CNTN5: variants seen among roughly 807,000 people sequenced by gnomAD.
CNTN5 encodes the protein contactin-5.
CNTN5 carries 77 observed loss-of-function variants against 129.1 expected under a neutral mutation model. The observed-to-expected ratio is 0.60, with a 90% CI of 0.50 to 0.72. CNTN5 has a LOEUF of 0.72. Ranked by LOEUF, CNTN5 falls within the 30% of genes least tolerant of loss-of-function variation. CNTN5 has a pLI of 0.00. For missense variants in CNTN5, 1,478 were observed against 1,328.8 expected (o/e 1.11, Z -1.75); for synonymous variants, 509 against 465.6 (o/e 1.09, Z -1.20).
intron 3 of CNTN5, among the ~76,000 whole-genome samples, chr11:99,596,620 G>A (rs679075): frequency 0.97 from 147,978 of 152,268 alleles, 72,046 homozygotes; most frequent in East Asian, 1. Flanking sequence ...AACATAGACT[G>A]TATATTAGTA....
At chr11:100,049,525 A>G (rs908922537) in intron 9 of CNTN5, among the ~76,000 whole-genome samples, 14 of 152,186 alleles carry the variant, frequency 9.2e-5, no homozygotes, top group Non-Finnish European at 1.9e-4. Flanking sequence ...ACAGGTAATT[A>G]TATTAAATGT....
At chr11:99,787,870 A>G (rs999837603) in intron 3 of CNTN5, among the ~76,000 whole-genome samples, 1 of 151,966 alleles carries the variant, frequency 6.6e-6, no homozygotes, top group Non-Finnish European at 1.5e-5. Context: ...TTGCCAAAAC[A>G]TGTAGCTAAC....
chr11:99,483,730 A>C (rs900276697), intron 2 of CNTN5, among the ~76,000 whole-genome samples: 1 of 152,136 alleles, frequency 6.6e-6, no homozygotes, highest in Admixed American at 6.5e-5. Flanking sequence ...AAATAGAAAA[A>C]AAAGAAGCTA....
intron 1 of CNTN5, among the ~76,000 whole-genome samples, chr11:99,112,592 C>A (rs139915649): frequency 6.6e-6 from 1 of 151,890 alleles, no homozygotes; most frequent in Non-Finnish European, 1.5e-5. Context: ...ATTTGCCACT[C>A]GCCTGAAAGC....
chr11:99,457,205 C>A, intron 2 of CNTN5, among the ~76,000 whole-genome samples: 1 of 151,914 alleles, frequency 6.6e-6, no homozygotes, highest in East Asian at 1.9e-4. Flanking sequence ...TATTTAGCTA[C>A]AATCTACAAT....
rs75231136 is a variant in CNTN5 at position 100,148,746 on chromosome 11, G to A, written c.1581-42380G>A. ...TAACAAACAAACACGTGTGGATAAT[G>A]GAAACTGGGCACTCTTGTAACATAT... On this transcript the variant is annotated intron_variant, in intron 13 of 24. Coordinates refer to ENST00000524871, the MANE Select transcript of CNTN5 (RefSeq NM_014361.4). Among the ~76,000 whole-genome samples the A allele has an allele frequency of 3.3e-5, 5 of 152,174 alleles. No homozygotes were observed. In the East Asian group the frequency reaches 9.7e-4, roughly 29 times the overall value.
intron 8 of CNTN5, among the ~76,000 whole-genome samples, chr11:99,966,549 T>C (rs1351123206): frequency 6.6e-6 from 1 of 152,218 alleles, no homozygotes; most frequent in Non-Finnish European, 1.5e-5. Context: ...TGTAATTCTC[T>C]TAGCACTTAA....
At chr11:99,854,863 T>C (rs1947984508) in intron 6 of CNTN5, among the ~76,000 whole-genome samples, 1 of 152,014 alleles carries the variant, frequency 6.6e-6, no homozygotes, top group Non-Finnish European at 1.5e-5. Context: ...TTCAGGAATA[T>C]ATGTGTTTCT....
chr11:99,510,272 C>G (rs887244886), intron 2 of CNTN5, among the ~76,000 whole-genome samples: 1 of 152,014 alleles, frequency 6.6e-6, no homozygotes, highest in South Asian at 2.1e-4. Flanking sequence ...GTTAACATAT[C>G]GGATTGAAAG....
intron 3 of CNTN5, among the ~76,000 whole-genome samples, chr11:99,719,936 T>C (rs1943113501): frequency 6.6e-6 from 1 of 151,978 alleles, no homozygotes; most frequent in African/African-American, 2.4e-5. Flanking sequence ...TAGAAGATAT[T>C]GATAAATTAC....
At chr11:99,399,420 T>C (rs1941686339) in intron 2 of CNTN5, among the ~76,000 whole-genome samples, 2 of 151,666 alleles carry the variant, frequency 1.3e-5, no homozygotes. Flanking sequence ...TATATTTAAT[T>C]CACATAAAAG....
At chr11:100,311,964 G>T (rs1322664779) in intron 21 of CNTN5, among the ~76,000 whole-genome samples, 2 of 151,954 alleles carry the variant, frequency 1.3e-5, no homozygotes, top group Non-Finnish European at 2.9e-5. Context: ...AGTTAACAAG[G>T]ATGAATCAAA....
At chr11:99,683,229 C>T (rs1272621583) in intron 3 of CNTN5, among the ~76,000 whole-genome samples, 2 of 151,786 alleles carry the variant, frequency 1.3e-5, no homozygotes, top group Non-Finnish European at 2.9e-5. Context: ...CACCGCAGCT[C>T]ATAAAGATAT....
chr11:100,124,692 T>C (rs1313734134), intron 13 of CNTN5, among the ~76,000 whole-genome samples: 1 of 152,060 alleles, frequency 6.6e-6, no homozygotes, highest in Non-Finnish European at 1.5e-5. Flanking sequence ...TTATCTTCAC[T>C]CTTTGCAAGT....
chr11:100,049,748 A>G (rs1435073142), intron 9 of CNTN5, among the ~76,000 whole-genome samples: 8 of 150,136 alleles, frequency 5.3e-5, no homozygotes. Flanking sequence ...TAATATCCAG[A>G]ATCTACAATG....
chr11:99,225,290 G>T (rs923238626), intron 1 of CNTN5, among the ~76,000 whole-genome samples: 1 of 152,074 alleles, frequency 6.6e-6, no homozygotes, highest in Non-Finnish European at 1.5e-5. Context: ...GCAACAGGGC[G>T]CTATAGGCCT....
At chr11:99,460,827 C>A (rs985197575) in intron 2 of CNTN5, among the ~76,000 whole-genome samples, 9 of 152,122 alleles carry the variant, frequency 5.9e-5, no homozygotes, top group Non-Finnish European at 1.0e-4. Flanking sequence ...TTATCAATTT[C>A]TTACATAGTA....
At chr11:100,229,451 A>C (rs1443513610) in intron 16 of CNTN5, among the ~76,000 whole-genome samples, 2 of 152,160 alleles carry the variant, frequency 1.3e-5, no homozygotes, top group Non-Finnish European at 2.9e-5. Context: ...TGAAGACACC[A>C]GTTTTTACCT....
chr11:99,461,549 T>G (rs1217439443), intron 2 of CNTN5, among the ~76,000 whole-genome samples: 3 of 152,280 alleles, frequency 2.0e-5, no homozygotes, highest in East Asian at 1.9e-4. Context: ...TTTGCAAGAA[T>G]TTGTTTAATA....
Sources: allele counts gnomAD v4.1 joint callset (sites outside exome capture counted in the v4.1 genomes callset), GRCh38; gene constraint gnomAD v4.1.1; transcripts MANE v1.5; gene names NCBI Gene and HGNC (gene_info 2026-07-23, HGNC 2026-07-21).